Variants in ANKRD30A observed in about 807,000 individuals in gnomAD.
The protein encoded by ANKRD30A is ankyrin repeat domain-containing protein 30A.
In ANKRD30A, 170 loss-of-function variants were observed where a neutral mutation model predicts 166.3. The ratio of observed to expected loss-of-function variants is 1.02; its 90% CI spans 0.90 to 1.16. The LOEUF (loss-of-function observed/expected upper bound fraction) is 1.16, where lower values mean the gene tolerates loss of function less well. Among genes scored for constraint, ANKRD30A ranks in the 50% most tolerant of loss-of-function variants. The probability of loss-of-function intolerance (pLI) is 0.00; values close to 1 mark genes in which losing one functional copy is unlikely to be tolerated. For synonymous variants in ANKRD30A, 564 were observed against 508.9 expected (o/e 1.11, Z -1.46); for missense variants, 1,630 against 1,518.0 (o/e 1.07, Z -1.23).
chr10:37,258,934 G>C, the ANKRD30A span, among the ~76,000 whole-genome samples: 1 of 134,540 alleles, frequency 7.4e-6, no homozygotes, highest in East Asian at 2.4e-4. Flanking sequence ...CTGCACCCTA[G>C]CCTGGGTGAC....
the ANKRD30A span, chr10:37,248,231 C>A: frequency 1.6e-6 from 1 of 621,710 alleles, no homozygotes; most frequent in Admixed American, 1.8e-5. Flanking sequence ...CCAAAGACTT[C>A]AACACAAGGG....
Position 37,211,665 on chromosome 10 carries a change from G to A in ANKRD30A, c.2870-4516G>A, listed in dbSNP as rs1260962283. 2.6e-5 allele frequency among the ~76,000 whole-genome samples: 4 copies of A among 152,096 alleles called. No homozygotes were observed. In the East Asian group the frequency reaches 7.7e-4, roughly 29 times the overall value. ...TATATAACCAGTAATGGGATGGCTGGGTCAAATGGTATTTCTAGTTCTAGA... is the reference window on the plus strand; with the variant it reads ...TATATAACCAGTAATGGGATGGCTGAGTCAAATGGTATTTCTAGTTCTAGA... On this transcript the variant is annotated intron_variant, in intron 31 of 35. Transcript: ENST00000361713.
chr10:37,125,621 TGA>T lies in ANKRD30A; in HGVS notation c.-161_-160del, dbSNP rs1197072529. On this transcript the variant is annotated 5_prime_UTR_variant, in exon 1 of 36. Coordinates refer to ENST00000361713, the MANE Select transcript of ANKRD30A (RefSeq NM_052997.3). The stretch of plus-strand genomic sequence containing the variant: ...ACGGCTCTGCTCAGCGCGATTCTAC[TGA>T]GAGAGGCCTGAGTGTGCAAGAGCTT... Among the ~76,000 whole-genome samples, 3 of 151,174 alleles carry T rather than the reference TGA, an allele frequency of 2.0e-5. No homozygotes were observed. Among genetic ancestry groups the T allele is most frequent in the Non-Finnish European group, 4.4e-5 (3 of 67,912 alleles).
At chr10:37,137,967 G>A (rs1364481072) in intron 6 of ANKRD30A, among the ~76,000 whole-genome samples, 3 of 152,162 alleles carry the variant, frequency 2.0e-5, no homozygotes, top group Admixed American at 2.0e-4. Context: ...GCCTAACTGG[G>A]AGGCACCCCC....
chr10:37,204,135 T>G (rs1440040294), intron 31 of ANKRD30A, among the ~76,000 whole-genome samples: 2 of 152,104 alleles, frequency 1.3e-5, no homozygotes, highest in Non-Finnish European at 2.9e-5. Context: ...TTGGAAAAAC[T>G]ACTTTAAAGT....
Position 37,125,722 on chromosome 10 carries a change from G to T in ANKRD30A, c.-66G>T, listed in dbSNP as rs897625616. 9.9e-5 allele frequency: 56 copies of T among 562,890 alleles called. No homozygotes were observed. The highest frequency in any genetic ancestry group is 1.7e-4 in the Non-Finnish European group (54 of 311,920). 34.9% of individuals were successfully genotyped at this position (562,890 alleles called of 1,614,324 possible). ...GAAGGGCGAGGGCGATTGGGGAGGG[G>T]TGGGGGGTGGTGGCTGGGAAGGGCG... On this transcript the variant is annotated 5_prime_UTR_variant, in exon 1 of 36. Coordinates refer to ENST00000361713, the MANE Select transcript of ANKRD30A (RefSeq NM_052997.3).
chr10:37,156,732 C>A (rs1838413291), intron 13 of ANKRD30A, among the ~76,000 whole-genome samples: 1 of 152,116 alleles, frequency 6.6e-6, no homozygotes, highest in African/African-American at 2.4e-5. Context: ...TTCATGGTAT[C>A]ATTTCTTATA....
At chr10:37,246,596 G>A in the ANKRD30A span, among the ~76,000 whole-genome samples, 1 of 152,158 alleles carries the variant, frequency 6.6e-6, no homozygotes, top group South Asian at 2.1e-4. Flanking sequence ...CAATGTTCAA[G>A]CAATTCTCCT....
intron 31 of ANKRD30A, among the ~76,000 whole-genome samples, chr10:37,211,334 C>G (rs1408794888): frequency 6.6e-6 from 1 of 151,974 alleles, no homozygotes. Flanking sequence ...CTTCCTGTGT[C>G]CATGTGTTCT....
Position 37,130,299 on chromosome 10 carries a change from A to T in ANKRD30A, c.431A>T (p.His144Leu). The change falls in exon 3 of 36, where the codon CAT becomes CTT. Residue 144 changes from histidine (H) to leucine (L), a missense_variant. Around this residue, in one of 4 missense-constraint regions of ANKRD30A, gnomAD observed 904 missense variants for 818.5 expected, o/e 1.10. Coordinates refer to ENST00000361713, the MANE Select transcript of ANKRD30A (RefSeq NM_052997.3). ...GATGTGTATGGCAACACGGCTCTCC[A>T]TTATGCTGTTTATAGTGAGATTTTG... Reference protein sequence around the residue: ...LVDVYGNTALHYAVYSEILSV... With the variant: ...LVDVYGNTALLYAVYSEILSV... 1 of 1,605,360 alleles carries T rather than the reference A, an allele frequency of 6.2e-7. No homozygotes were observed.
chr10:37,157,933 A>G (rs1200883), intron 13 of ANKRD30A, among the ~76,000 whole-genome samples: 53,858 of 151,266 alleles, frequency 0.36, 10,058 homozygotes, highest in Admixed American at 0.41. Context: ...CAAATTGAAG[A>G]ACATAATAGC....
At chr10:37,263,985 A>G in the ANKRD30A span, among the ~76,000 whole-genome samples, 1 of 152,210 alleles carries the variant, frequency 6.6e-6, no homozygotes, top group Non-Finnish European at 1.5e-5. Flanking sequence ...AAAGAAGTCA[A>G]GGATCATCAT....
At chr10:37,255,798 C>T in the ANKRD30A span, among the ~76,000 whole-genome samples, 1 of 152,208 alleles carries the variant, frequency 6.6e-6, no homozygotes. Context: ...CATTTCTAAG[C>T]TGCCTTTGCA....
intron 31 of ANKRD30A, among the ~76,000 whole-genome samples, chr10:37,215,691 G>A (rs1271861902): frequency 6.6e-6 from 1 of 151,398 alleles, no homozygotes; most frequent in Non-Finnish European, 1.5e-5. Flanking sequence ...ATTGTTTAAT[G>A]TATTTTGTGT....
At chr10:37,193,391 T>A (rs546613370) in intron 27 of ANKRD30A, 133 bp downstream of exon 27, 32 of 1,233,858 alleles carry the variant, frequency 2.6e-5, no homozygotes, top group Non-Finnish European at 3.6e-5. Flanking sequence ...ATAATGCCAA[T>A]GTGAGTATTT....
rs1431871401 is a variant in ANKRD30A at position 37,199,584 on chromosome 10, T to C, written c.2717-143T>C. The C allele has an allele frequency of 6.7e-5, 31 of 463,056 alleles. No individual in the cohort carries two copies. In the East Asian group the frequency reaches 1.2e-3, roughly 18 times the overall value. 28.7% of individuals were successfully genotyped at this position (463,056 alleles called of 1,614,324 possible). On this transcript the variant is annotated intron_variant, in intron 29 of 35. Coordinates refer to ENST00000361713, the MANE Select transcript of ANKRD30A (RefSeq NM_052997.3). ...ATTCTAACGGATTGACTATAGGAAG[T>C]AGTCATTGTAATCAACAAAAAGAAT...
chr10:37,168,090 T>A (rs1225593970), intron 19 of ANKRD30A, among the ~76,000 whole-genome samples: 1 of 14,104 alleles, frequency 7.1e-5, no homozygotes, highest in Non-Finnish European at 1.4e-4. Context: ...AAATCATATA[T>A]AAATGGTTGT....
Position 37,201,271 on chromosome 10 carries a change from G to A in ANKRD30A, c.2815G>A (p.Val939Ile). 6.3e-7 allele frequency: 1 copy of A among 1,594,434 alleles called. No homozygotes were observed. Among genetic ancestry groups the A allele is most frequent in the Non-Finnish European group, 8.5e-7 (1 of 1,171,938 alleles). ...RETVSQKDVC[V>I]PKATHQKEMD... ...GACTGTTTCACAGAAGGATGTGTGTGTACCCAAGGCTACACATCAAAAAGA... is the reference window on the plus strand; with the variant it reads ...GACTGTTTCACAGAAGGATGTGTGTATACCCAAGGCTACACATCAAAAAGA... The change falls in exon 31 of 36, where the codon GTA (valine) becomes ATA (isoleucine). Residue 939 changes from valine (V) to isoleucine (I), a missense_variant. Transcript: ENST00000361713.
intron 6 of ANKRD30A, among the ~76,000 whole-genome samples, chr10:37,141,130 T>C (rs866828846): frequency 2.0e-5 from 3 of 152,328 alleles, no homozygotes; most frequent in African/African-American, 7.2e-5. Flanking sequence ...ATTATTGTCT[T>C]TTTTTATTAT....
Sources: allele counts gnomAD v4.1 joint callset (sites outside exome capture counted in the v4.1 genomes callset), GRCh38; gene constraint gnomAD v4.1.1; regional missense constraint gnomAD v4.1.1; transcripts MANE v1.5; gene names NCBI Gene and HGNC (gene_info 2026-07-23, HGNC 2026-07-21).